The following RARB variants were observed in gnomAD, a reference collection of about 807,000 sequenced individuals.
RARB encodes the protein retinoic acid receptor beta.
A neutral mutation model predicts 51.9 loss-of-function variants in RARB; 17 were observed. The observed-to-expected ratio is 0.33, with a 90% confidence interval of 0.22 to 0.49. The LOEUF (loss-of-function observed/expected upper bound fraction) is 0.49, where lower values mean the gene tolerates loss of function less well. Among genes scored for constraint, RARB ranks in the 20% least tolerant of loss-of-function variants. The probability of loss-of-function intolerance (pLI) is 0.99; values close to 1 mark genes in which losing one functional copy is unlikely to be tolerated. For missense variants in RARB, 369 were observed against 550.8 expected (o/e 0.67, Z 3.30); for synonymous variants, 215 against 195.4 (o/e 1.10, Z -0.84).
chr3:24,834,194 A>T (rs935885333), intron 1 of RARB, among the ~76,000 whole-genome samples: 2 of 152,226 alleles, frequency 1.3e-5, no homozygotes, highest in African/African-American at 4.8e-5. Flanking sequence ...ATCCCACGCT[A>T]AAGCGACAGA....
intron 5 of RARB, among the ~76,000 whole-genome samples, chr3:25,238,147 AG>A (rs1012914247): frequency 1.2e-4 from 18 of 145,724 alleles, no homozygotes; most frequent in Middle Eastern, 3.5e-3. Flanking sequence ...TTCATCCTCC[AG>A]CGCCCCCCCA....
intron 2 of RARB, among the ~76,000 whole-genome samples, chr3:25,005,018 C>G (rs1020920445): frequency 2.6e-5 from 4 of 152,066 alleles, no homozygotes; most frequent in African/African-American, 9.7e-5. Flanking sequence ...TTCCCATACC[C>G]TACATCAAAT....
At chr3:25,104,250 ACCAGAGCAC>A (rs1204002947) in intron 3 of RARB, among the ~76,000 whole-genome samples, 1 of 152,216 alleles carries the variant, frequency 6.6e-6, no homozygotes, top group Non-Finnish European at 1.5e-5. Flanking sequence ...CTGTGGTGCA[ACCAGAGCAC>A]CCATACATTG....
chr3:24,949,052 T>C (rs1575086338), intron 2 of RARB, among the ~76,000 whole-genome samples: 1 of 152,328 alleles, frequency 6.6e-6, no homozygotes, highest in East Asian at 1.9e-4. Context: ...TCAAAGGACA[T>C]ATTCTGTTCC....
At chr3:25,185,462 T>C (rs927979012) in intron 5 of RARB, among the ~76,000 whole-genome samples, 3 of 152,120 alleles carry the variant, frequency 2.0e-5, no homozygotes, top group African/African-American at 7.2e-5. Flanking sequence ...GAACACTTTC[T>C]AACACTAATA....
chr3:24,958,588 T>A (rs1559411715), intron 2 of RARB, among the ~76,000 whole-genome samples: 1 of 152,198 alleles, frequency 6.6e-6, no homozygotes, highest in Non-Finnish European at 1.5e-5. Context: ...TCAGACTGAC[T>A]GTAGTCAGCG....
chr3:25,438,448 T>A (rs1708526274), intron 1 of RARB, among the ~76,000 whole-genome samples: 1 of 152,238 alleles, frequency 6.6e-6, no homozygotes, highest in Non-Finnish European at 1.5e-5. Context: ...AATGATTAAA[T>A]TAAAGAACAG....
At chr3:25,109,472 C>T (rs1040828668) in intron 3 of RARB, among the ~76,000 whole-genome samples, 5 of 152,006 alleles carry the variant, frequency 3.3e-5, no homozygotes, top group African/African-American at 1.2e-4. Context: ...TGTACAAGTA[C>T]AAAAACACTG....
chr3:24,861,628 CAAA>C (rs1219357026), intron 2 of RARB, among the ~76,000 whole-genome samples: 4 of 145,046 alleles, frequency 2.8e-5, no homozygotes, highest in African/African-American at 1.0e-4. Flanking sequence ...TTTCCTGAAG[CAAA>C]AAAGTTAATG....
chr3:24,984,239 A>T (rs1317139584), intron 2 of RARB, among the ~76,000 whole-genome samples: 1 of 152,244 alleles, frequency 6.6e-6, no homozygotes, highest in Non-Finnish European at 1.5e-5. Flanking sequence ...ACAGGTGGAG[A>T]TGCTAATAAA....
chr3:25,204,915 A>T (rs147181580), intron 5 of RARB, among the ~76,000 whole-genome samples: 14,334 of 152,230 alleles, frequency 0.094, 785 homozygotes, highest in Non-Finnish European at 0.12. Flanking sequence ...TCAGATCTCA[A>T]GCTGCGTGCT....
At chr3:25,304,852 C>T (rs1051150464) in intron 5 of RARB, among the ~76,000 whole-genome samples, 2 of 152,148 alleles carry the variant, frequency 1.3e-5, no homozygotes, top group Non-Finnish European at 2.9e-5. Context: ...CTAATCTCAC[C>T]AGGTTCTGCC....
intron 3 of RARB, among the ~76,000 whole-genome samples, chr3:25,090,830 C>T (rs1376299734): frequency 6.6e-6 from 1 of 152,098 alleles, no homozygotes; most frequent in Non-Finnish European, 1.5e-5. Context: ...ATCACAACAA[C>T]CGTCTCTTGT....
At chr3:24,912,975 C>CTTTGTTTTTTTTTTTTTTTT (rs1695023038) in intron 2 of RARB, among the ~76,000 whole-genome samples, 1 of 75,064 alleles carries the variant, frequency 1.3e-5, no homozygotes, top group Non-Finnish European at 2.6e-5. Context: ...GGTACTGATT[C>CTTTGTTTTTTTTTTTTTTTT]TTTTTTTTTT....
chr3:25,438,220 T>A (rs2060459870), intron 1 of RARB, among the ~76,000 whole-genome samples: 2 of 152,136 alleles, frequency 1.3e-5, no homozygotes, highest in South Asian at 4.1e-4. Flanking sequence ...GAGTGAACCT[T>A]CCAGGAAGGA....
At chr3:25,097,811 C>T (rs1000930272) in intron 3 of RARB, among the ~76,000 whole-genome samples, 6 of 152,088 alleles carry the variant, frequency 3.9e-5, no homozygotes, top group African/African-American at 7.2e-5. Flanking sequence ...GGTTCTCCTT[C>T]GGGAGTGTAT....
At chr3:25,040,249 G>A (rs1698085329) in intron 2 of RARB, among the ~76,000 whole-genome samples, 1 of 152,178 alleles carries the variant, frequency 6.6e-6, no homozygotes, top group Non-Finnish European at 1.5e-5. Context: ...CTGCTATTCA[G>A]TTTTGCACTT....
At chr3:25,590,581 C>T (rs950278249) in intron 5 of RARB, among the ~76,000 whole-genome samples, 3 of 152,078 alleles carry the variant, frequency 2.0e-5, no homozygotes, top group African/African-American at 7.2e-5. Context: ...AGTGCAGTGG[C>T]GTGATCCCAG....
intron 1 of RARB, among the ~76,000 whole-genome samples, chr3:25,434,050 C>G (rs1708319038): frequency 6.6e-6 from 1 of 152,168 alleles, no homozygotes; most frequent in South Asian, 2.1e-4. Flanking sequence ...AGATAAGACT[C>G]TCTGCCCCCT....
Sources: gnomAD v4.1 joint callset for allele counts (sites outside exome capture counted in the v4.1 genomes callset) on GRCh38, gnomAD v4.1.1 for gene constraint, MANE v1.5 for transcripts, NCBI Gene and HGNC (gene_info 2026-07-23, HGNC 2026-07-21) for gene names.